The following IQCE variants were observed in gnomAD, a reference collection of about 807,000 sequenced individuals.
IQCE encodes the protein IQ domain-containing protein E.
A neutral mutation model predicts 96.0 loss-of-function variants in IQCE; 115 were observed. The ratio of observed to expected loss-of-function variants is 1.20; its 90% CI spans 1.03 to 1.40. The LOEUF (loss-of-function observed/expected upper bound fraction) is 1.40, where lower values mean the gene tolerates loss of function less well. Ranked by LOEUF, IQCE falls within the 40% of genes most tolerant of loss-of-function variation. The pLI is 0.00. For synonymous variants in IQCE, 412 were observed against 371.2 expected (o/e 1.11, Z -1.26); for missense variants, 1,041 against 909.1 (o/e 1.15, Z -1.87).
chr7:2,561,916 A>G (rs770382328), intron 1 of IQCE, among the ~76,000 whole-genome samples: 6 of 152,204 alleles, frequency 3.9e-5, no homozygotes, highest in Admixed American at 6.5e-5. Context: ...ATGTCCTGGC[A>G]AAAGACTCAA....
chr7:2,602,384 T>C (rs1052060514), intron 18 of IQCE, among the ~76,000 whole-genome samples: 1 of 152,194 alleles, frequency 6.6e-6, no homozygotes, highest in South Asian at 2.1e-4. Flanking sequence ...TTTATTTTGC[T>C]GGAGTCCTGG....
rs180725692 is a variant in IQCE at position 2,614,138 on chromosome 7, A to G, written c.*3976A>G. ...CCCCCTTCCTTGCAAAAAAAAGGCA[A>G]TTGAATTAGGAAAAGATAGCCCAAC... On this transcript the variant is annotated 3_prime_UTR_variant, in exon 22 of 22. Transcript: ENST00000402050. 2.6e-5 allele frequency: 4 copies of G among 152,342 alleles called. No individual in the cohort carries two copies. The highest frequency in any genetic ancestry group is 4.8e-5 in the African/African-American group (2 of 41,566). The allele number at this position is 152,342 out of a possible 1,614,324, so 9.4% of individuals were successfully genotyped here.
At chr7:2,602,531 C>T (rs1253075740) in intron 18 of IQCE, among the ~76,000 whole-genome samples, 1 of 152,188 alleles carries the variant, frequency 6.6e-6, no homozygotes, top group African/African-American at 2.4e-5. Context: ...CGCTGCCTTC[C>T]TCCTCACCCA....
In IQCE at chr7:2,572,591, G is replaced by A. The variant is rs540359545; in HGVS notation, c.394+265G>A. On this transcript the variant is annotated intron_variant, in intron 5 of 21. Transcript: ENST00000402050. Reference sequence around the variant, plus strand: ...TACCTCCCTCCCTAAACATAGAGGCGTACTTAAATTTATTCATTGAGTAAA... The same window carrying A: ...TACCTCCCTCCCTAAACATAGAGGCATACTTAAATTTATTCATTGAGTAAA... 9.6e-4 allele frequency: 591 copies of A among 616,964 alleles called. 1 individual carries two copies. The highest frequency in any genetic ancestry group is 1.4e-3 in the Non-Finnish European group (484 of 337,140). The allele number at this position is 616,964 out of a possible 1,614,324, so 38.2% of individuals were successfully genotyped here. A position where few individuals can be genotyped will look rare whatever the true frequency, so the allele number is the denominator to read the frequency against.
At chr7:2,572,794 T>G (rs1214021700) in intron 5 of IQCE, 1 of 452,822 alleles carries the variant, frequency 2.2e-6, no homozygotes, top group African/African-American at 2.0e-5. Context: ...TCCTCTCACC[T>G]TGGCCTCCCA....
intron 8 of IQCE, among the ~76,000 whole-genome samples, chr7:2,581,189 A>G (rs1430810117): frequency 6.6e-6 from 1 of 151,916 alleles, no homozygotes; most frequent in Non-Finnish European, 1.5e-5. Context: ...ATCTATGACT[A>G]ACATAATTTA....
chr7:2,571,963 T>G (rs1474117461), intron 4 of IQCE, among the ~76,000 whole-genome samples: 4 of 152,108 alleles, frequency 2.6e-5, no homozygotes, highest in Admixed American at 2.0e-4. Context: ...CAACCTGATA[T>G]TAGACATGGT....
At chr7:2,559,294 G>A (rs1780736488) in intron 1 of IQCE, 77 bp downstream of exon 1, 9 of 953,740 alleles carry the variant, frequency 9.4e-6, no homozygotes, top group Non-Finnish European at 1.2e-5. Context: ...GCAGCCTCGG[G>A]GCCCCGCGCA....
At chr7:2,569,940 C>T (rs1183129325) in intron 3 of IQCE, among the ~76,000 whole-genome samples, 1 of 152,202 alleles carries the variant, frequency 6.6e-6, no homozygotes, top group African/African-American at 2.4e-5. Flanking sequence ...TGTCCTTTCT[C>T]TCCTTCCATG....
intron 6 of IQCE, among the ~76,000 whole-genome samples, chr7:2,574,261 T>C (rs929281759): frequency 1.3e-5 from 2 of 152,214 alleles, no homozygotes; most frequent in Non-Finnish European, 1.5e-5. Flanking sequence ...CTGCGTTCAG[T>C]TGGGGCACCA....
chr7:2,570,149 T>C (rs1201849412), intron 3 of IQCE, among the ~76,000 whole-genome samples: 1 of 152,128 alleles, frequency 6.6e-6, no homozygotes, highest in East Asian at 1.9e-4. Context: ...GTTCCGAGGC[T>C]TTTCATCGTC....
At chr7:2,579,523 C>T (rs575028662) in intron 8 of IQCE, among the ~76,000 whole-genome samples, 10 of 152,182 alleles carry the variant, frequency 6.6e-5, no homozygotes, top group African/African-American at 2.2e-4. Flanking sequence ...AGGCCGTGTC[C>T]TCTGAACTAT....
chr7:2,607,117 T>C lies in IQCE; in HGVS notation c.1866-7T>C. The C allele has an allele frequency of 6.3e-7, 1 of 1,585,332 alleles. No individual in the cohort carries two copies. The highest frequency in any genetic ancestry group is 1.4e-5 in the African/African-American group (1 of 73,096). ...AGAATCAGCTGGCGTTTTCTGTTTT[T>C]TTCCAGTGCTACCGGTAAAAGAACC... On this transcript the variant is annotated splice_polypyrimidine_tract_variant and splice_region_variant and intron_variant, in intron 20 of 21. Coordinates refer to ENST00000402050, the MANE Select transcript of IQCE (RefSeq NM_152558.5).
intron 17 of IQCE, among the ~76,000 whole-genome samples, chr7:2,600,780 G>A: frequency 6.6e-6 from 1 of 152,188 alleles, no homozygotes; most frequent in East Asian, 1.9e-4. Context: ...CGGCCGTGGT[G>A]GTCATTCCGT....
At chr7:2,567,676 T>C (rs941730283) in intron 2 of IQCE, among the ~76,000 whole-genome samples, 25 of 152,216 alleles carry the variant, frequency 1.6e-4, no homozygotes, top group Non-Finnish European at 2.5e-4. Context: ...GAAAAGGAAG[T>C]GTGCCAATTG....
At chr7:2,602,030 A>G (rs1302943217) in intron 18 of IQCE, 9 of 157,266 alleles carry the variant, frequency 5.7e-5, no homozygotes, top group Admixed American at 5.2e-4. Flanking sequence ...TGCGTGGGGC[A>G]GTCTCAGAGG....
intron 3 of IQCE, 39 bp from the exon 4 acceptor site, chr7:2,571,487 C>T (rs1781750193): frequency 6.2e-7 from 1 of 1,603,162 alleles, no homozygotes; most frequent in Non-Finnish European, 8.5e-7. Context: ...TCACATGTTG[C>T]TGTCCGGCAC....
chr7:2,605,963 G>A lies in IQCE; in HGVS notation c.1831G>A (p.Ala611Thr), dbSNP rs757046016. The A allele has an allele frequency of 3.7e-5, 59 of 1,610,262 alleles. No homozygotes were observed. Among genetic ancestry groups the A allele is most frequent in the Non-Finnish European group, 3.9e-5 (46 of 1,178,968 alleles). Residue 611 changes from alanine (A) to threonine (T), a missense_variant, in exon 20 of 22, where the codon GCT becomes ACT. By Grantham distance (58) the Ala-to-Thr change is moderately conservative. Transcript: ENST00000402050. ...GGAGGCCATCGTCATCATCCAGTCC[G>A]CTCTGCGGGCACACCTGGCCCGGGC... ...QEEAIVIIQS[A>T]LRAHLARARH... is the part of the protein sequence containing the mutation.
rs1007061970 is a variant in IQCE, at chr7:2,613,989, G to C, written c.*3827G>C. 1 of 152,248 alleles carries C rather than the reference G, an allele frequency of 6.6e-6. No homozygotes were observed. The highest frequency in any genetic ancestry group is 1.5e-5 in the Non-Finnish European group (1 of 68,052). 9.4% of individuals were successfully genotyped at this position (152,248 alleles called of 1,614,324 possible). ...TGCTCGTTTGTCTGTGTATTAAGAA[G>C]AGACTAAAATAGCCAAACGACGCTG... On this transcript the variant is annotated 3_prime_UTR_variant, in exon 22 of 22. Coordinates refer to ENST00000402050, the MANE Select transcript of IQCE (RefSeq NM_152558.5).
Sources: allele counts gnomAD v4.1 joint callset (sites outside exome capture counted in the v4.1 genomes callset), GRCh38; gene constraint gnomAD v4.1.1; transcripts MANE v1.5; gene names NCBI Gene and HGNC (gene_info 2026-07-23, HGNC 2026-07-21).